Variants in RIMKLA observed in about 807,000 individuals in gnomAD.
RIMKLA encodes the protein N-acetylaspartylglutamate synthase A.
Under a neutral mutation model 32.7 loss-of-function variants are expected in RIMKLA, and 14 were observed. That is an observed-to-expected ratio of 0.43 (90% CI 0.28 to 0.67). The LOEUF is 0.67. Ranked by LOEUF, RIMKLA falls within the 30% of genes least tolerant of loss-of-function variation. RIMKLA has a pLI of 0.18. For missense variants in RIMKLA, 410 were observed against 519.0 expected, an observed-to-expected ratio of 0.79 and a Z score of 2.04; for synonymous variants, 176 against 204.1, an observed-to-expected ratio of 0.86 and a Z score of 1.18.
At chr1:42,383,747 A>G (rs980235468) in intron 1 of RIMKLA, among the ~76,000 whole-genome samples, 1 of 152,198 alleles carries the variant, frequency 6.6e-6, no homozygotes, top group African/African-American at 2.4e-5. Context: ...GAGGCTCTGA[A>G]AGGTGAAGTG....
chr1:42,384,146 T>G (rs1405883671), intron 1 of RIMKLA, among the ~76,000 whole-genome samples: 2 of 152,116 alleles, frequency 1.3e-5, no homozygotes, highest in Admixed American at 6.6e-5. Flanking sequence ...ATCCAGGGCT[T>G]AGAGTTTCAG....
chr1:42,402,519 C>T (rs1406452864), intron 2 of RIMKLA, among the ~76,000 whole-genome samples: 1 of 151,930 alleles, frequency 6.6e-6, no homozygotes, highest in Non-Finnish European at 1.5e-5. Flanking sequence ...ATGTGGGTAG[C>T]CTCTAGAACC....
chr1:42,383,084 C>G (rs373563297), intron 1 of RIMKLA, among the ~76,000 whole-genome samples: 1 of 151,446 alleles, frequency 6.6e-6, no homozygotes, highest in East Asian at 1.9e-4. Context: ...CAGAGTTTCA[C>G]CATGTTGGTC....
intron 2 of RIMKLA, among the ~76,000 whole-genome samples, chr1:42,401,514 A>G (rs906734261): frequency 2.6e-5 from 4 of 151,928 alleles, no homozygotes; most frequent in African/African-American, 7.3e-5. Flanking sequence ...AAAAAGAGAG[A>G]TCAGAGAAGC....
chr1:42,402,220 A>G (rs1347837818), intron 2 of RIMKLA, among the ~76,000 whole-genome samples: 2 of 152,198 alleles, frequency 1.3e-5, no homozygotes, highest in Non-Finnish European at 2.9e-5. Context: ...CCACCCTGAG[A>G]TACCCAAGTC....
chr1:42,387,163 C>T (rs948372335), intron 1 of RIMKLA, among the ~76,000 whole-genome samples: 1 of 151,780 alleles, frequency 6.6e-6, no homozygotes, highest in African/African-American at 2.4e-5. Flanking sequence ...ATCACTTGAA[C>T]CTGGGAGGCG....
rs1035448658 is a variant in RIMKLA, at chr1:42,417,224, C to G, written c.*2250C>G. On this transcript the variant is annotated 3_prime_UTR_variant, in exon 5 of 5. Coordinates refer to ENST00000431473, the MANE Select transcript of RIMKLA (RefSeq NM_173642.4). ...TAGAGAGTGCTTCCAGATTCCTTTG[C>G]CAAAGGAGGCCCATTTTCCAGCTGT... 1.3e-5 allele frequency: 2 copies of G among 152,370 alleles called. No individual in the cohort carries two copies. The highest frequency in any genetic ancestry group is 3.2e-3 in the Middle Eastern group (1 of 316). 9.4% of individuals were successfully genotyped at this position (152,370 alleles called of 1,614,324 possible).
At chr1:42,404,646 T>G (rs1432220352) in intron 3 of RIMKLA, 49 bp downstream of exon 3, 2 of 1,210,470 alleles carry the variant, frequency 1.7e-6, no homozygotes, top group Non-Finnish European at 2.4e-6. Context: ...CCACTAGGGC[T>G]GCTGCTCTGC....
rs541023702 is a variant in RIMKLA, at chr1:42,387,974, G to C, written c.163+6877G>C. 2.6e-5 allele frequency among the ~76,000 whole-genome samples: 4 copies of C among 152,300 alleles called. No individual in the cohort carries two copies. The South Asian group carries it at 8.3e-4, about 32-fold the overall frequency. On this transcript the variant is annotated intron_variant, in intron 1 of 4. Coordinates refer to ENST00000431473, the MANE Select transcript of RIMKLA (RefSeq NM_173642.4). The stretch of plus-strand genomic sequence containing the variant: ...CCTCACCCAGAAGATGATAATCCGT[G>C]TAAAGATCTGAAGGAGGTAAGGATG...
At chr1:42,389,569 T>G (rs1642978809) in intron 1 of RIMKLA, among the ~76,000 whole-genome samples, 1 of 152,282 alleles carries the variant, frequency 6.6e-6, no homozygotes, top group Middle Eastern at 3.4e-3. Flanking sequence ...TCCAGCACTT[T>G]GGGAGGCCGA....
At chr1:42,388,455 T>C (rs1642968983) in intron 1 of RIMKLA, among the ~76,000 whole-genome samples, 1 of 151,842 alleles carries the variant, frequency 6.6e-6, no homozygotes, top group Non-Finnish European at 1.5e-5. Context: ...TTCACCTATC[T>C]CGGCCTCCCA....
At chr1:42,408,621 ATGTTGGTCAGGCTGG>A (rs1296469657) in intron 3 of RIMKLA, among the ~76,000 whole-genome samples, 2 of 152,026 alleles carry the variant, frequency 1.3e-5, no homozygotes, top group African/African-American at 4.8e-5. Context: ...GGGTTTCTCC[ATGTTGGTCAGGCTGG>A]TCTTAAACTC....
Position 42,414,630 on chromosome 1 carries a change from G to T in RIMKLA, c.832G>T (p.Val278Phe). The T allele has an allele frequency of 6.2e-7, 1 of 1,614,240 alleles. No individual in the cohort carries two copies. Among genetic ancestry groups the T allele is most frequent in the Non-Finnish European group, 8.5e-7 (1 of 1,180,042 alleles). Residue 278 changes from valine to phenylalanine, a missense_variant, in exon 5 of 5, where the codon GTT becomes TTT. Physicochemically the swap from Val to Phe is conservative, Grantham distance 50. Transcript: ENST00000431473. The stretch of plus-strand genomic sequence containing the variant: ...TGTGGTGTGTGAGGCAAATGCTAAT[G>T]TTGGCTTCCTAGCCTTTGACCAGGC... ...SFVVCEANAN[V>F]GFLAFDQACN...
At chr1:42,386,028 T>A (rs1642943537) in intron 1 of RIMKLA, among the ~76,000 whole-genome samples, 1 of 151,448 alleles carries the variant, frequency 6.6e-6, no homozygotes, top group South Asian at 2.1e-4. Flanking sequence ...TTCGTGCAGT[T>A]CTCCTGCCTC....
At chr1:42,407,352 AT>A (rs139495954) in intron 3 of RIMKLA, among the ~76,000 whole-genome samples, 88,432 of 151,494 alleles carry the variant, frequency 0.58, 26,175 homozygotes, top group Middle Eastern at 0.63. Context: ...TAACTTGTCT[AT>A]TTTTTTTTGT....
intron 1 of RIMKLA, among the ~76,000 whole-genome samples, chr1:42,398,596 A>G (rs555850173): frequency 6.6e-6 from 1 of 152,346 alleles, no homozygotes; most frequent in South Asian, 2.1e-4. Context: ...AGTGGAGATC[A>G]TAATGCATTA....
intron 3 of RIMKLA, 72 bp downstream of exon 3, chr1:42,404,669 C>T (rs1643128996): frequency 2.2e-6 from 2 of 921,094 alleles, no homozygotes; most frequent in Admixed American, 3.7e-5. Flanking sequence ...GGACAAGACA[C>T]TCCTCAAGTG....
In RIMKLA at chr1:42,416,091, G is replaced by GA. The variant is rs911025563; in HGVS notation, c.*1117_*1118insA. The GA allele has an allele frequency of 1.1e-5, 1 of 95,034 alleles. No individual in the cohort carries two copies. The highest frequency in any genetic ancestry group is 3.9e-5 in the African/African-American group (1 of 25,700). 5.9% of individuals were successfully genotyped at this position (95,034 alleles called of 1,614,324 possible). ...AATTACCCATTGCACATTTTGCGGGGGGGGGGGCTAATGTAGACATGACAC... is the reference window on the plus strand; with the variant it reads ...AATTACCCATTGCACATTTTGCGGGGAGGGGGGGCTAATGTAGACATGACAC... On this transcript the variant is annotated 3_prime_UTR_variant, in exon 5 of 5. Transcript: ENST00000431473.
rs1477717796 is a variant in RIMKLA, at chr1:42,399,654, C to T, written c.394+20C>T. ...CCTATGGTGAGTCAGCTTGAAATAG[C>T]TTCCCAAATCATGTGCATCTCTGTT... On this transcript the variant is annotated intron_variant, in intron 2 of 4. Coordinates refer to ENST00000431473, the MANE Select transcript of RIMKLA (RefSeq NM_173642.4). The T allele has an allele frequency of 2.1e-6, 3 of 1,441,994 alleles. No individual in the cohort carries two copies. The highest frequency in any genetic ancestry group is 2.8e-5 in the African/African-American group (2 of 71,616). 89.3% of individuals were successfully genotyped at this position (1,441,994 alleles called of 1,614,324 possible). A position where few individuals can be genotyped will look rare whatever the true frequency, so the allele number is the denominator to read the frequency against.
Sources: gnomAD v4.1 joint callset for allele counts (sites outside exome capture counted in the v4.1 genomes callset) on GRCh38, gnomAD v4.1.1 for gene constraint, MANE v1.5 for transcripts, NCBI Gene and HGNC (gene_info 2026-07-23, HGNC 2026-07-21) for gene names.